The following ANKAR variants were observed in gnomAD, a reference collection of about 807,000 sequenced individuals.
ANKAR encodes the protein ankyrin and armadillo repeat-containing protein.
In ANKAR, 136 loss-of-function variants were observed where a neutral mutation model predicts 146.2. The observed-to-expected ratio is 0.93, with a 90% CI of 0.81 to 1.07. The LOEUF (loss-of-function observed/expected upper bound fraction) is 1.07. Ranked by LOEUF, ANKAR falls within the 50% of genes least tolerant of loss-of-function variation. The probability of loss-of-function intolerance (pLI) is 0.00; values close to 1 mark genes in which losing one functional copy is unlikely to be tolerated. For missense variants in ANKAR, 1,567 were observed against 1,679.9 expected (o/e 0.93, Z 1.18); for synonymous variants, 500 against 575.8 (o/e 0.87, Z 1.88).
chr2:189,720,821 C>A, intron 12 of ANKAR, 34 bp downstream of exon 12: 1 of 1,410,900 alleles, frequency 7.1e-7, no homozygotes, highest in Non-Finnish European at 9.3e-7. Flanking sequence ...TTTATAATGA[C>A]CAGATATATT....
intron 2 of ANKAR, among the ~76,000 whole-genome samples, chr2:189,680,605 T>C (rs546383012): frequency 6.6e-6 from 1 of 152,224 alleles, no homozygotes; most frequent in South Asian, 2.1e-4. Context: ...AGCTCCACTT[T>C]TGCTGTAATC....
At chr2:189,762,693 TG>T (rs1389583159), downstream of ANKAR, 1 of 985,226 alleles carries the variant, frequency 1.0e-6, no homozygotes, top group Non-Finnish European at 1.2e-6. Context: ...ACCTTCCACT[TG>T]GGCGGCAGTA....
At chr2:189,688,754 A>G (rs903575201) in intron 2 of ANKAR, among the ~76,000 whole-genome samples, 4 of 152,226 alleles carry the variant, frequency 2.6e-5, no homozygotes, top group Admixed American at 2.6e-4. Flanking sequence ...ATCCATGTTC[A>G]CTTTGGGGTG....
At chr2:189,732,264 T>C (rs1349013206) in intron 16 of ANKAR, among the ~76,000 whole-genome samples, 1 of 152,186 alleles carries the variant, frequency 6.6e-6, no homozygotes, top group African/African-American at 2.4e-5. Flanking sequence ...AAGTTCATTT[T>C]CCTAATGGGC....
chr2:189,740,311 C>A (rs1012165957), intron 19 of ANKAR, among the ~76,000 whole-genome samples: 7 of 152,036 alleles, frequency 4.6e-5, no homozygotes, highest in African/African-American at 1.7e-4. Flanking sequence ...TAGAGCTTAC[C>A]TTTAGACAAT....
chr2:189,692,496 T>C, intron 4 of ANKAR, 78 bp downstream of exon 4: 3 of 1,339,592 alleles, frequency 2.2e-6, no homozygotes, highest in Middle Eastern at 3.8e-4. Context: ...AGAGCCTCTG[T>C]TGGTACAGGC....
downstream of ANKAR, among the ~76,000 whole-genome samples, chr2:189,749,499 GA>G (rs1475048034): frequency 6.6e-6 from 1 of 151,540 alleles, no homozygotes; most frequent in Non-Finnish European, 1.5e-5. Flanking sequence ...AATCAAGGCA[GA>G]AAAACAGTGA....
chr2:189,757,118 T>C (rs879734459), intron 18 of ANKAR, among the ~76,000 whole-genome samples: 2 of 152,198 alleles, frequency 1.3e-5, no homozygotes, highest in Admixed American at 6.6e-5. Flanking sequence ...GTGTGGATTA[T>C]GGAACAAAGC....
chr2:189,756,288 A>G (rs937367494), intron 18 of ANKAR, among the ~76,000 whole-genome samples: 1 of 152,174 alleles, frequency 6.6e-6, no homozygotes, highest in African/African-American at 2.4e-5. Flanking sequence ...GGCCACTCCA[A>G]ATATCAAGTG....
chr2:189,689,384 A>G (rs924772571), intron 2 of ANKAR, 143 bp from the exon 3 acceptor site: 1 of 700,358 alleles, frequency 1.4e-6, no homozygotes, highest in African/African-American at 1.8e-5. Flanking sequence ...AGAATTATAT[A>G]TTTGGTTTAC....
At chr2:189,711,194 G>GC in intron 10 of ANKAR, 41 bp downstream of exon 10, 1 of 1,430,040 alleles carries the variant, frequency 7.0e-7, no homozygotes, top group East Asian at 2.3e-5. Flanking sequence ...GCTATTTTAT[G>GC]TAGAGCTATA....
chr2:189,716,969 C>T (rs1056698734), intron 10 of ANKAR, among the ~76,000 whole-genome samples: 1 of 152,060 alleles, frequency 6.6e-6, no homozygotes, highest in African/African-American at 2.4e-5. Context: ...AAATGTTAGA[C>T]CTGAAACCAT....
chr2:189,744,647 C>T, intron 21 of ANKAR, 95 bp from the exon 22 acceptor site: 2 of 824,054 alleles, frequency 2.4e-6, no homozygotes, highest in Non-Finnish European at 3.9e-6. Context: ...AGGCATTAAA[C>T]CTGGTACTGT....
intron 7 of ANKAR, among the ~76,000 whole-genome samples, chr2:189,699,416 G>A (rs1473201766): frequency 6.6e-6 from 1 of 152,170 alleles, no homozygotes; most frequent in East Asian, 1.9e-4. Context: ...TTGCCCTAGA[G>A]TTTACCACAT....
At chr2:189,754,012 T>C in intron 18 of ANKAR, 1 of 1,613,674 alleles carries the variant, frequency 6.2e-7, no homozygotes, top group Non-Finnish European at 8.5e-7. Flanking sequence ...TTGTGTGCTG[T>C]ACTGTGGCAG....
At position 189,752,796 on chromosome 2, in the gene ANKAR, G is replaced by A. The variant is rs982615549; in HGVS notation, c.*584+8008G>A. The A allele has an allele frequency of 3.7e-6, 6 of 1,613,040 alleles. No individual in the cohort carries two copies. In the Admixed American group the frequency reaches 5.0e-5, roughly 13 times the overall value. On this transcript the variant is annotated intron_variant and NMD_transcript_variant, in intron 18 of 18. Transcript: ENST00000441800. ...GGAAGAAGGCTTAGTATGATAAAATGGCAATTAATATTTACATAGTTATGA... is the reference window on the plus strand; with the variant it reads ...GGAAGAAGGCTTAGTATGATAAAATAGCAATTAATATTTACATAGTTATGA...
rs1044036571 is a variant in ANKAR, at chr2:189,692,283, G to A, written c.1068G>A (p.Leu356=). The change falls in exon 4 of 23, where the codon TTG becomes TTA. Residue 356 remains leucine, a synonymous_variant. Transcript: ENST00000684021. ...SDDKVKTERE[L]PPFIYGRDFK... is the part of the protein sequence containing the mutation. ...ACAAGGTCAAGACAGAGCGAGAATT[G>A]CCTCCATTTATTTATGGAAGAGATT... is the stretch of plus-strand genomic sequence containing the variant. The A allele has an allele frequency of 6.2e-6, 10 of 1,611,862 alleles. No individual in the cohort carries two copies. Among genetic ancestry groups the A allele is most frequent in the Non-Finnish European group, 8.5e-6 (10 of 1,179,370 alleles).
At chr2:189,753,280 T>G (rs1237274672) in intron 18 of ANKAR, 2 of 180,060 alleles carry the variant, frequency 1.1e-5, no homozygotes. Context: ...TTTTTATTAT[T>G]TTGTGCATTT....
intron 21 of ANKAR, 101 bp downstream of exon 21, chr2:189,743,575 A>C: frequency 2.9e-6 from 3 of 1,045,798 alleles, no homozygotes; most frequent in Non-Finnish European, 4.2e-6. Context: ...CTTGATATGA[A>C]CATATCTCCT....
Sources: allele counts gnomAD v4.1 joint callset (sites outside exome capture counted in the v4.1 genomes callset), GRCh38; gene constraint gnomAD v4.1.1; transcripts MANE v1.5; gene names NCBI Gene and HGNC (gene_info 2026-07-23, HGNC 2026-07-21).